The following DAB1 variants were observed in gnomAD, a reference collection of about 807,000 sequenced individuals.
DAB1 encodes the protein disabled homolog 1.
Under a neutral mutation model 64.6 loss-of-function variants are expected in DAB1, and 15 were observed. The observed-to-expected ratio is 0.23, with a 90% CI of 0.16 to 0.36. The LOEUF is 0.36. DAB1 is among the 10% of genes least tolerant of loss of function. The pLI, the probability that DAB1 is intolerant of heterozygous loss-of-function variation, is 1.00. For synonymous variants in DAB1, 235 were observed against 251.9 expected, an observed-to-expected ratio of 0.93 and a Z score of 0.64; for missense variants, 596 against 706.7, an observed-to-expected ratio of 0.84 and a Z score of 1.78.
chr1:57,590,817 T>TATGA (rs1645438375), intron 7 of DAB1, among the ~76,000 whole-genome samples: 2 of 150,760 alleles, frequency 1.3e-5, no homozygotes, highest in South Asian at 4.2e-4. Flanking sequence ...TGACCAACAA[T>TATGA]TTCACTTCTA....
intron 6 of DAB1, among the ~76,000 whole-genome samples, chr1:57,669,245 G>A (rs899894427): frequency 2.6e-5 from 4 of 151,928 alleles, no homozygotes; most frequent in Admixed American, 1.3e-4. Context: ...TTTTACTGAC[G>A]GAATCCAATA....
chr1:58,330,401 C>A lies in DAB1; in HGVS notation n.309+12951G>T, dbSNP rs188572554. On this transcript the variant is annotated intron_variant and non_coding_transcript_variant, in intron 4 of 20. Coordinates refer to the DAB1 transcript ENST00000485760. ...AACATAAATGTGCAAGGTGGAGCAG[C>A]AAGTGCTGATGTAAAAGCTGCAGCA... Among the ~76,000 whole-genome samples the A allele has an allele frequency of 2.2e-3, 341 of 152,320 alleles. 2 individuals carry two copies. The highest frequency in any genetic ancestry group is 6.1e-3 in the Admixed American group (94 of 15,306).
At chr1:58,180,996 A>C (rs1656759950) in intron 4 of DAB1, among the ~76,000 whole-genome samples, 2 of 152,152 alleles carry the variant, frequency 1.3e-5, no homozygotes, top group Non-Finnish European at 2.9e-5. Flanking sequence ...AATAATTGAT[A>C]GTGTTGTTCA....
intron 5 of DAB1, among the ~76,000 whole-genome samples, chr1:58,035,801 T>C (rs757113216): frequency 1.3e-5 from 2 of 152,152 alleles, no homozygotes; most frequent in Non-Finnish European, 2.9e-5. Context: ...CCCCGGCCTA[T>C]GGGGAGACTT....
chr1:57,298,214 T>G (rs2100689741), intron 1 of DAB1, among the ~76,000 whole-genome samples: 1 of 152,282 alleles, frequency 6.6e-6, no homozygotes, highest in South Asian at 2.1e-4. Context: ...GCATATTTGA[T>G]TTCTTTAGGG....
chr1:57,564,535 A>G (rs1645093304), intron 7 of DAB1, among the ~76,000 whole-genome samples: 1 of 152,172 alleles, frequency 6.6e-6, no homozygotes, highest in Non-Finnish European at 1.5e-5. Flanking sequence ...AAAATCTTGA[A>G]AAAAGATTAG....
intron 5 of DAB1, among the ~76,000 whole-genome samples, chr1:58,057,588 G>C (rs1351246411): frequency 6.6e-6 from 1 of 152,188 alleles, no homozygotes; most frequent in African/African-American, 2.4e-5. Flanking sequence ...GCAAGCCAAG[G>C]AATGCTGAGG....
At chr1:57,181,596 A>G (rs986136154) in intron 2 of DAB1, among the ~76,000 whole-genome samples, 1 of 152,206 alleles carries the variant, frequency 6.6e-6, no homozygotes, top group African/African-American at 2.4e-5. Flanking sequence ...CAATCTCCCA[A>G]ATCAACTAGC....
chr1:58,162,574 G>A (rs1655601100), intron 4 of DAB1, among the ~76,000 whole-genome samples: 2 of 151,970 alleles, frequency 1.3e-5, no homozygotes. Context: ...TAATTGCACA[G>A]CATACACAAA....
At chr1:57,314,860 G>A (rs999130893) in intron 1 of DAB1, among the ~76,000 whole-genome samples, 5 of 151,814 alleles carry the variant, frequency 3.3e-5, no homozygotes, top group Non-Finnish European at 5.9e-5. Context: ...AAGGAGGCAA[G>A]GAAGAAAAGA....
At chr1:57,242,042 A>G (rs1668532379) in intron 2 of DAB1, among the ~76,000 whole-genome samples, 1 of 152,174 alleles carries the variant, frequency 6.6e-6, no homozygotes, top group South Asian at 2.1e-4. Context: ...TGTTTGAGTG[A>G]TGACAACCAT....
intron 4 of DAB1, among the ~76,000 whole-genome samples, chr1:58,194,820 G>C (rs1220629792): frequency 6.6e-6 from 1 of 152,148 alleles, no homozygotes; most frequent in Non-Finnish European, 1.5e-5. Flanking sequence ...GAATCTAATT[G>C]GGACTGAATA....
chr1:57,932,496 AGAGACGG>A (rs146611150), intron 5 of DAB1, among the ~76,000 whole-genome samples: 1,823 of 142,774 alleles, frequency 0.013, 41 homozygotes, highest in African/African-American at 0.046. Context: ...TATTTTTAGT[AGAGACGG>A]GGTTTCACCA....
chr1:57,937,654 G>A (rs1645046106), intron 5 of DAB1, among the ~76,000 whole-genome samples: 1 of 152,170 alleles, frequency 6.6e-6, no homozygotes, highest in Non-Finnish European at 1.5e-5. Flanking sequence ...AAAGTGCTCT[G>A]GGCAAAATAG....
chr1:58,197,211 A>G (rs1657724686), intron 4 of DAB1, among the ~76,000 whole-genome samples: 2 of 152,214 alleles, frequency 1.3e-5, no homozygotes, highest in South Asian at 4.1e-4. Context: ...GTTTTATTAT[A>G]TTAAACCACA....
At chr1:57,426,663 A>G (rs1478179853), upstream of DAB1, among the ~76,000 whole-genome samples, 5 of 152,104 alleles carry the variant, frequency 3.3e-5, no homozygotes, top group Admixed American at 6.5e-5. Flanking sequence ...TGCTTTCCAT[A>G]TATTAACTCA....
At chr1:57,015,558 G>T in intron 11 of DAB1, 127 bp from the exon 12 acceptor site, 1 of 834,274 alleles carries the variant, frequency 1.2e-6, no homozygotes, top group African/African-American at 1.7e-5. Flanking sequence ...GCCAGGGACT[G>T]GGGATGCCAA....
intron 9 of DAB1, among the ~76,000 whole-genome samples, chr1:57,056,333 TA>T (rs903018252): frequency 0.014 from 1,641 of 117,282 alleles, 16 homozygotes; most frequent in African/African-American, 0.041. Context: ...TCCTCATCTT[TA>T]AAAAAAAAAA....
At chr1:58,334,339 C>T (rs1017843787) in intron 4 of DAB1, among the ~76,000 whole-genome samples, 4 of 152,056 alleles carry the variant, frequency 2.6e-5, no homozygotes, top group East Asian at 1.9e-4. Context: ...AACTGATCCA[C>T]GACGTCATGT....
Sources: allele counts gnomAD v4.1 joint callset (sites outside exome capture counted in the v4.1 genomes callset), GRCh38; gene constraint gnomAD v4.1.1; transcripts MANE v1.5; gene names NCBI Gene and HGNC (gene_info 2026-07-23, HGNC 2026-07-21).